LRRC73: variants seen among roughly 807,000 people sequenced by gnomAD.
LRRC73 encodes leucine-rich repeat-containing protein 73.
LRRC73 carries 16 observed loss-of-function variants against 26.4 expected under a neutral mutation model. The observed-to-expected ratio is 0.61, with a 90% CI of 0.41 to 0.92. The LOEUF (loss-of-function observed/expected upper bound fraction) is 0.92, where lower values mean the gene tolerates loss of function less well. Among genes scored for constraint, LRRC73 ranks in the 40% least tolerant of loss-of-function variants. The pLI is 0.00. For missense variants in LRRC73, 344 were observed against 416.3 expected, an observed-to-expected ratio of 0.83 and a Z score of 1.51; for synonymous variants, 210 against 179.8, an observed-to-expected ratio of 1.17 and a Z score of -1.34.
Position 43,508,748 on chromosome 6 carries a change from G to T in LRRC73, c.433+12C>A. On this transcript the variant is annotated intron_variant, in intron 2 of 5. Coordinates refer to ENST00000372441, the Ensembl canonical transcript of LRRC73. ...CCACACTAGCCCAAGCCCTCAACAGGGTCCTGCTCACCAGATTTGGCCCCA... is the reference window on the plus strand; with the variant it reads ...CCACACTAGCCCAAGCCCTCAACAGTGTCCTGCTCACCAGATTTGGCCCCA... 6.3e-7 allele frequency: 1 copy of T among 1,595,794 alleles called. No individual in the cohort carries two copies. The highest frequency in any genetic ancestry group is 8.6e-7 in the Non-Finnish European group (1 of 1,169,266).
At chr6:43,508,980 G>C in intron 1 of LRRC73, 60 bp from the exon 2 acceptor site, 1 of 1,440,028 alleles carries the variant, frequency 6.9e-7, no homozygotes, top group Non-Finnish European at 9.2e-7. Context: ...CATGGGAAAG[G>C]GGCACTTTCA....
chr6:43,508,732 C>T (rs771879891), intron 2 of LRRC73, 28 bp downstream of exon 2: 3 of 1,577,156 alleles, frequency 1.9e-6, no homozygotes, highest in Admixed American at 3.6e-5. Flanking sequence ...GCCACACTAG[C>T]CCAAGCCCTC....
chr6:43,508,971 A>G (rs1792585933), intron 1 of LRRC73, 51 bp from the exon 2 acceptor site: 1 of 1,461,156 alleles, frequency 6.8e-7, no homozygotes. Context: ...CACTATCTAC[A>G]TGGGAAAGGG....
In LRRC73 at chr6:43,507,316, A is replaced by G. The variant is rs923520387; in HGVS notation, c.881-8T>C. ...CCATCTGAGAGCTGGGATCTGTGGA[A>G]GGGCAGAGAAGTGTTCAGACCACCA... On this transcript the variant is annotated splice_polypyrimidine_tract_variant and splice_region_variant and intron_variant, in intron 5 of 5. Transcript: ENST00000372441. The G allele has an allele frequency of 6.2e-7, 1 of 1,613,986 alleles. No homozygotes were observed. Among genetic ancestry groups the G allele is most frequent in the Non-Finnish European group, 8.5e-7 (1 of 1,180,012 alleles).
intron 1 of LRRC73, 37 bp from the exon 2 acceptor site, chr6:43,508,957 T>C: frequency 6.6e-7 from 1 of 1,523,730 alleles, no homozygotes; most frequent in Non-Finnish European, 8.8e-7. Context: ...ACTGCAGTCC[T>C]CCGCACTATC....
exon 1 of LRRC73, chr6:43,509,852 G>C: frequency 1.5e-6 from 2 of 1,371,394 alleles, no homozygotes; most frequent in Non-Finnish European, 1.9e-6. Context: ...GGGCGGGGCC[G>C]GGGATAGGGC....
chr6:43,508,681 G>C, intron 2 of LRRC73, 79 bp downstream of exon 2: 2 of 1,521,934 alleles, frequency 1.3e-6, no homozygotes, highest in African/African-American at 2.8e-5. Context: ...CAGAGCTCTG[G>C]GGCCACACCC....
intron 3 of LRRC73, 147 bp downstream of exon 3, chr6:43,508,151 C>T (rs1792560052): frequency 1.6e-6 from 2 of 1,263,082 alleles, no homozygotes; most frequent in Non-Finnish European, 2.2e-6. Context: ...GTCACCTGGT[C>T]CGCCACAAAG....
chr6:43,508,845 C>A, exon 2 of LRRC73: 1 of 1,613,094 alleles, frequency 6.2e-7, no homozygotes, highest in Middle Eastern at 1.7e-4. Context: ...GGTCCAGAGC[C>A]ACGAGGGCAG....
chr6:43,508,242 G>A, intron 3 of LRRC73, 56 bp downstream of exon 3: 2 of 1,550,990 alleles, frequency 1.3e-6, no homozygotes, highest in Non-Finnish European at 1.7e-6. Flanking sequence ...ATGGTCCCAG[G>A]CTCTTGGATA....
rs764329840 is a variant in LRRC73, at chr6:43,507,439, A to G, written c.880+17T>C. ...CCTCTTCCAGACCTGGCTCTGATCA[A>G]CCCTCTGGGTTCTTACCGCTGGGGC... On this transcript the variant is annotated intron_variant, in intron 5 of 5. Transcript: ENST00000372441. 6.2e-7 allele frequency: 1 copy of G among 1,612,538 alleles called. No individual in the cohort carries two copies. Among genetic ancestry groups the G allele is most frequent in the Non-Finnish European group, 8.5e-7 (1 of 1,179,776 alleles).
intron 1 of LRRC73, 36 bp downstream of exon 1, chr6:43,509,478 A>G: frequency 6.3e-7 from 1 of 1,579,318 alleles, no homozygotes; most frequent in Non-Finnish European, 8.6e-7. Context: ...GGAAGGGTGC[A>G]GTGCCCGGGA....
In LRRC73 at chr6:43,508,740, C is replaced by T; in HGVS notation, c.433+20G>A. 6.3e-7 allele frequency: 1 copy of T among 1,587,662 alleles called. No individual in the cohort carries two copies. Among genetic ancestry groups the T allele is most frequent in the South Asian group, 1.1e-5 (1 of 88,552 alleles). On this transcript the variant is annotated intron_variant, in intron 2 of 5. Coordinates refer to ENST00000372441, the Ensembl canonical transcript of LRRC73. The stretch of plus-strand genomic sequence containing the variant: ...CATCACTGCCACACTAGCCCAAGCC[C>T]TCAACAGGGTCCTGCTCACCAGATT...
chr6:43,509,420 T>TG (rs1296087644), intron 1 of LRRC73, 94 bp downstream of exon 1: 5 of 1,401,584 alleles, frequency 3.6e-6, no homozygotes, highest in African/African-American at 1.4e-5. Flanking sequence ...GAAGGTAGGA[T>TG]GGTACTGGAA....
chr6:43,507,267 C>T (rs1260485877), exon 6 of LRRC73: 2 of 1,613,912 alleles, frequency 1.2e-6, no homozygotes, highest in East Asian at 2.2e-5. Context: ...AACAGACTGT[C>T]CCCTAGTCCT....
exon 1 of LRRC73, chr6:43,510,025 G>A (rs1792616515): frequency 3.3e-6 from 1 of 305,744 alleles, no homozygotes; most frequent in Non-Finnish European, 5.9e-6. Context: ...TCCAGGGCGC[G>A]GGCCGGGCTG....
chr6:43,507,286 T>C, exon 6 of LRRC73: 1 of 1,613,964 alleles, frequency 6.2e-7, no homozygotes, highest in Non-Finnish European at 8.5e-7. Context: ...CTGACGTCAT[T>C]AGCACCATCT....
exon 2 of LRRC73, chr6:43,508,772 C>T: frequency 2.5e-6 from 4 of 1,610,742 alleles, no homozygotes; most frequent in Non-Finnish European, 3.4e-6. Context: ...GATTTGGCCC[C>T]ATCTGGGGGC....
chr6:43,507,832 T>C (rs752482504), exon 4 of LRRC73: 4 of 1,613,706 alleles, frequency 2.5e-6, no homozygotes, highest in Non-Finnish European at 3.4e-6. Context: ...CCACCTGAGC[T>C]GACTGGTTGG....
Sources: allele counts gnomAD v4.1 joint callset, GRCh38; gene constraint gnomAD v4.1.1; transcripts MANE v1.5; gene names NCBI Gene and HGNC (gene_info 2026-07-23, HGNC 2026-07-21).